The following SEPTIN9 variants were observed in gnomAD, a reference collection of about 807,000 sequenced individuals.
The protein encoded by SEPTIN9 is septin-9.
SEPTIN9 carries 13 observed loss-of-function variants against 56.6 expected under a neutral mutation model. The observed-to-expected ratio is 0.23, with a 90% CI of 0.15 to 0.37. The LOEUF is 0.37. SEPTIN9 is among the 10% of genes least tolerant of loss of function. The pLI is 1.00. For missense variants in SEPTIN9, 650 were observed against 823.1 expected, an observed-to-expected ratio of 0.79 and a Z score of 2.57; for synonymous variants, 332 against 334.1, an observed-to-expected ratio of 0.99 and a Z score of 0.07.
intron 4 of SEPTIN9, chr17:77,484,262 T>TGATGTGGTGGTGATAGTGGTGG (rs2039574651): frequency 6.9e-6 from 1 of 145,790 alleles, no homozygotes; most frequent in Non-Finnish European, 1.5e-5. Flanking sequence ...GGGATGATGG[T>TGATGTGGTGGTGATAGTGGTGG]GATGGTGGTG....
intron 2 of SEPTIN9, among the ~76,000 whole-genome samples, chr17:77,382,918 C>T (rs551588890): frequency 6.6e-6 from 1 of 152,220 alleles, no homozygotes; most frequent in African/African-American, 2.4e-5. Context: ...CTACTCCTGG[C>T]CCGGAAACAT....
chr17:77,393,500 G>C (rs973228631), intron 2 of SEPTIN9, among the ~76,000 whole-genome samples: 5 of 152,184 alleles, frequency 3.3e-5, no homozygotes, highest in Non-Finnish European at 5.9e-5. Context: ...AGCCCCCACA[G>C]ACACACACCC....
chr17:77,316,619 C>T lies in SEPTIN9; in HGVS notation c.76+9422C>T, dbSNP rs186445104. Among the ~76,000 whole-genome samples, 1,256 of 152,244 alleles carry T rather than the reference C, an allele frequency of 8.2e-3. 14 individuals carry two copies. The highest frequency in any genetic ancestry group is 0.012 in the Non-Finnish European group (803 of 67,996). ...CGCCAGCCAGGCTGGGTCAGAGCCT[C>T]GTGGGGCCTTCCTGGGCTTCCCTGC... On this transcript the variant is annotated intron_variant, in intron 2 of 11. Coordinates refer to ENST00000427177, the MANE Select transcript of SEPTIN9 (RefSeq NM_001113491.2).
At chr17:77,373,275 G>A (rs2034783483) in intron 2 of SEPTIN9, 1 of 1,153,190 alleles carries the variant, frequency 8.7e-7, no homozygotes, top group Non-Finnish European at 1.1e-6. Flanking sequence ...ATCCGCCCGG[G>A]AGGCGGGGGC....
At chr17:77,346,765 G>A (rs1162107260) in intron 2 of SEPTIN9, among the ~76,000 whole-genome samples, 1 of 152,074 alleles carries the variant, frequency 6.6e-6, no homozygotes, top group Admixed American at 6.6e-5. Flanking sequence ...GTTTGCTATG[G>A]CCTACCTGTT....
intron 10 of SEPTIN9, among the ~76,000 whole-genome samples, chr17:77,494,256 C>G (rs2040160231): frequency 6.6e-6 from 1 of 152,230 alleles, no homozygotes; most frequent in South Asian, 2.1e-4. Context: ...ATGGGAGCCC[C>G]TGGGGGGCCA....
chr17:77,352,898 C>A (rs2034110256), intron 2 of SEPTIN9, among the ~76,000 whole-genome samples: 1 of 152,160 alleles, frequency 6.6e-6, no homozygotes, highest in Admixed American at 6.5e-5. Context: ...GGCAATGAGA[C>A]TTTGCCTCCC....
In SEPTIN9 at chr17:77,445,920, A is replaced by C. The variant is rs2037721966; in HGVS notation, c.722-36224A>C. On this transcript the variant is annotated intron_variant, in intron 3 of 11. Transcript: ENST00000427177. This position sits in a 1 kb window ranked among gnomAD's most constrained non-coding sequence, Gnocchi z 4.7. The stretch of plus-strand genomic sequence containing the variant: ...GGGGCACTTTCTCAGCTTTGAGATG[A>C]GTCTCTGTGGATGTGGGAAGTTCAC... The C allele has an allele frequency of 5.8e-6, 1 of 173,516 alleles. No homozygotes were observed. The highest frequency in any genetic ancestry group is 1.7e-4 in the South Asian group (1 of 6,056). 10.7% of individuals were successfully genotyped at this position (173,516 alleles called of 1,614,324 possible).
rs79560418 is a variant in SEPTIN9 at position 77,367,254 on chromosome 17, C to T, written c.77-34805C>T. ...CCGGGGGCTTGGCCCAGGTGGAAACCATGCACTGTCTGTGATCCTGGGCAT... is the reference window on the plus strand; with the variant it reads ...CCGGGGGCTTGGCCCAGGTGGAAACTATGCACTGTCTGTGATCCTGGGCAT... On this transcript the variant is annotated intron_variant, in intron 2 of 11. Coordinates refer to ENST00000427177, the MANE Select transcript of SEPTIN9 (RefSeq NM_001113491.2). This position sits in a 1 kb window ranked among gnomAD's most constrained non-coding sequence, Gnocchi z 4.5. Among the ~76,000 whole-genome samples, 2,149 of 152,280 alleles carry T rather than the reference C, an allele frequency of 0.014. 58 individuals are homozygous for T. The highest frequency in any genetic ancestry group is 0.049 in the African/African-American group (2,034 of 41,540).
In SEPTIN9 at chr17:77,421,494, GCT is replaced by G. The variant is rs777161604; in HGVS notation, c.721+18793_721+18794del. Among the ~76,000 whole-genome samples, 10 of 152,300 alleles carry G rather than the reference GCT, an allele frequency of 6.6e-5. No individual in the cohort carries two copies. Among genetic ancestry groups the G allele is most frequent in the Non-Finnish European group, 1.3e-4 (9 of 68,026 alleles). ...TGCTTCCCTGGGGACCGAGATGAGGGCTCCAGGTTGGCTCCGGCAAGAGCAGG... is the reference window on the plus strand; with the variant it reads ...TGCTTCCCTGGGGACCGAGATGAGGGCCAGGTTGGCTCCGGCAAGAGCAGG... On this transcript the variant is annotated intron_variant, in intron 3 of 11. Transcript: ENST00000427177. The surrounding 1 kb of genome is among the most constrained non-coding windows in gnomAD (Gnocchi z 4.6).
chr17:77,456,742 C>T lies in SEPTIN9; in HGVS notation c.722-25402C>T, dbSNP rs1197131081. 6.6e-6 allele frequency among the ~76,000 whole-genome samples: 1 copy of T among 152,150 alleles called. No individual in the cohort carries two copies. Among genetic ancestry groups the T allele is most frequent in the Non-Finnish European group, 1.5e-5 (1 of 68,016 alleles). ...ATGGCCAGTACCAGATCTCAGGGAC[C>T]AGCACCGGGTACCCACAGCCAGGGA... is the stretch of plus-strand genomic sequence containing the variant. On this transcript the variant is annotated intron_variant, in intron 3 of 11. Coordinates refer to ENST00000427177, the MANE Select transcript of SEPTIN9 (RefSeq NM_001113491.2). This position sits in a 1 kb window ranked among gnomAD's most constrained non-coding sequence, Gnocchi z 6.0.
chr17:77,449,973 G>GT lies in SEPTIN9; in HGVS notation c.722-32170dup, dbSNP rs1336258933. Among the ~76,000 whole-genome samples, 12 of 152,146 alleles carry GT rather than the reference G, an allele frequency of 7.9e-5. No homozygotes were observed. The highest frequency in any genetic ancestry group is 2.9e-4 in the African/African-American group (12 of 41,430). On this transcript the variant is annotated intron_variant, in intron 3 of 11. Transcript: ENST00000427177. The surrounding 1 kb of genome is among the most constrained non-coding windows in gnomAD (Gnocchi z 4.6). ...TTTCAGTGTTTGACTCAGAACCCAGGTCTCTGATCTGCCACCAGCCTCCCT... is the reference window on the plus strand; with the variant it reads ...TTTCAGTGTTTGACTCAGAACCCAGGTTCTCTGATCTGCCACCAGCCTCCCT...
At chr17:77,295,538 G>T (rs538901402) in intron 1 of SEPTIN9, among the ~76,000 whole-genome samples, 125 of 152,272 alleles carry the variant, frequency 8.2e-4, no homozygotes, top group African/African-American at 2.5e-3. Flanking sequence ...CCTCTCGTTG[G>T]TTGAACCCAG....
chr17:77,348,294 GTT>G (rs367934946), intron 2 of SEPTIN9, among the ~76,000 whole-genome samples: 12 of 89,746 alleles, frequency 1.3e-4, no homozygotes, highest in African/African-American at 5.0e-4. Flanking sequence ...TTTAATTTAT[GTT>G]TTTTTTTTTT....
chr17:77,321,786 G>C (rs2032944926), intron 2 of SEPTIN9, among the ~76,000 whole-genome samples: 1 of 152,256 alleles, frequency 6.6e-6, no homozygotes. Flanking sequence ...GACCTCAGGA[G>C]GGGGCCAGGG....
Position 77,413,322 on chromosome 17 carries a change from T to G in SEPTIN9, c.721+10619T>G, listed in dbSNP as rs899173201. Among the ~76,000 whole-genome samples, 6 of 152,136 alleles carry G rather than the reference T, an allele frequency of 3.9e-5. 1 individual carries two copies. Among genetic ancestry groups the G allele is most frequent in the African/African-American group, 1.4e-4 (6 of 41,422 alleles). ...GTCTAGCACTTTAAAAACTTAAACT[T>G]TTTCCATGGGTCTGTGAGTTTGGGA... On this transcript the variant is annotated intron_variant, in intron 3 of 11. Coordinates refer to ENST00000427177, the MANE Select transcript of SEPTIN9 (RefSeq NM_001113491.2).
chr17:77,345,777 G>A (rs2033871312), intron 2 of SEPTIN9, among the ~76,000 whole-genome samples: 1 of 152,166 alleles, frequency 6.6e-6, no homozygotes, highest in Non-Finnish European at 1.5e-5. Context: ...GTTGTCCCCT[G>A]TGGATAGAGC....
At chr17:77,350,654 A>T (rs1368903040) in intron 2 of SEPTIN9, among the ~76,000 whole-genome samples, 1 of 124,702 alleles carries the variant, frequency 8.0e-6, no homozygotes, top group East Asian at 2.2e-4. Flanking sequence ...CATGCATTAC[A>T]CCCTTCTACA....
intron 2 of SEPTIN9, among the ~76,000 whole-genome samples, chr17:77,308,721 T>C (rs185342843): frequency 6.6e-6 from 1 of 152,316 alleles, no homozygotes; most frequent in Non-Finnish European, 1.5e-5. Context: ...TGAGCTTGCT[T>C]CTGTGGGGAC....
Sources: allele counts gnomAD v4.1 joint callset (sites outside exome capture counted in the v4.1 genomes callset), GRCh38; gene constraint gnomAD v4.1.1; non-coding constraint Gnocchi (gnomAD v3.1); transcripts MANE v1.5; gene names NCBI Gene and HGNC (gene_info 2026-07-23, HGNC 2026-07-21).